The following SAMHD1 variants were observed in gnomAD, a reference collection of about 807,000 sequenced individuals.
SAMHD1 encodes the protein SAM and HD domain containing deoxynucleoside triphosphate triphosphohydrolase 1.
Under a neutral mutation model 79.6 loss-of-function variants are expected in SAMHD1, and 54 were observed. The observed-to-expected ratio is 0.68, with a 90% CI of 0.55 to 0.85. The LOEUF (loss-of-function observed/expected upper bound fraction) is 0.85. Among genes scored for constraint, SAMHD1 ranks in the 40% least tolerant of loss-of-function variants. The probability of loss-of-function intolerance (pLI) is 0.00; values close to 1 mark genes in which losing one functional copy is unlikely to be tolerated. For synonymous variants in SAMHD1, 260 were observed against 264.1 expected (o/e 0.98, Z 0.15); for missense variants, 663 against 782.7 (o/e 0.85, Z 1.82).
chr20:36,920,622 G>T (rs1030471333), intron 6 of SAMHD1, among the ~76,000 whole-genome samples: 1 of 152,032 alleles, frequency 6.6e-6, no homozygotes, highest in Non-Finnish European at 1.5e-5. Context: ...AATTAGCCAG[G>T]CATGGTAGGG....
intron 3 of SAMHD1, chr20:36,940,715 T>A: frequency 1.4e-5 from 5 of 346,872 alleles, no homozygotes; most frequent in African/African-American, 4.3e-5. Flanking sequence ...AAAAAAAGAA[T>A]GTACAAAGGA....
chr20:36,947,907 A>C (rs1452186692), intron 1 of SAMHD1, among the ~76,000 whole-genome samples: 1 of 151,718 alleles, frequency 6.6e-6, no homozygotes, highest in Non-Finnish European at 1.5e-5. Flanking sequence ...CTTGGGCTCA[A>C]GTGATCTTCC....
At chr20:36,923,300 A>G (rs964371320) in intron 6 of SAMHD1, among the ~76,000 whole-genome samples, 45 of 152,196 alleles carry the variant, frequency 3.0e-4, no homozygotes, top group African/African-American at 1.1e-3. Flanking sequence ...CGCCTGGCCA[A>G]GAGAGAGTAT....
intron 9 of SAMHD1, among the ~76,000 whole-genome samples, chr20:36,914,048 C>A (rs2063460915): frequency 6.6e-6 from 1 of 151,220 alleles, no homozygotes; most frequent in Admixed American, 6.6e-5. Context: ...ACCACCACGC[C>A]TAGCCCTTCT....
intron 3 of SAMHD1, among the ~76,000 whole-genome samples, chr20:36,937,854 TGG>T (rs2063614504): frequency 7.5e-6 from 1 of 132,552 alleles, no homozygotes. Flanking sequence ...TAAACAATGT[TGG>T]TTTGTTTTTT....
At chr20:36,913,872 T>C (rs2063459817) in intron 9 of SAMHD1, among the ~76,000 whole-genome samples, 1 of 150,404 alleles carries the variant, frequency 6.6e-6, no homozygotes. Context: ...TCGTACCTCA[T>C]CCTCCTGAGT....
intron 1 of SAMHD1, among the ~76,000 whole-genome samples, chr20:36,951,090 C>A (rs2063730061): frequency 6.6e-6 from 1 of 152,226 alleles, no homozygotes; most frequent in Non-Finnish European, 1.5e-5. Context: ...AGAGTGAGAT[C>A]CCAATCTACG....
intron 1 of SAMHD1, 194 bp from the exon 2 acceptor site, chr20:36,946,998 AT>A: frequency 2.2e-6 from 1 of 445,346 alleles, no homozygotes; most frequent in Non-Finnish European, 4.0e-6. Flanking sequence ...ACCAAGAAGC[AT>A]TTTTTGATAA....
At chr20:36,949,302 A>G (rs2063716315) in intron 1 of SAMHD1, among the ~76,000 whole-genome samples, 1 of 151,354 alleles carries the variant, frequency 6.6e-6, no homozygotes, top group Non-Finnish European at 1.5e-5. Context: ...TTTAAAAAAT[A>G]ATCAAACAGA....
At chr20:36,942,622 T>A (rs546824668) in intron 2 of SAMHD1, among the ~76,000 whole-genome samples, 28 of 150,862 alleles carry the variant, frequency 1.9e-4, no homozygotes, top group Admixed American at 9.4e-4. Flanking sequence ...TTGACATGTA[T>A]ATTTAACGTG....
intron 11 of SAMHD1, among the ~76,000 whole-genome samples, chr20:36,907,022 C>G (rs1383222574): frequency 1.3e-5 from 2 of 151,646 alleles, no homozygotes; most frequent in African/African-American, 4.9e-5. Flanking sequence ...GAACTCCTGG[C>G]CTCAAGTGAT....
At chr20:36,929,995 C>T (rs1025807622) in intron 5 of SAMHD1, among the ~76,000 whole-genome samples, 10 of 147,316 alleles carry the variant, frequency 6.8e-5, no homozygotes, top group South Asian at 2.1e-4. Flanking sequence ...GGAGGAGAGG[C>T]GGGAGGATAG....
chr20:36,946,776 A>G lies in SAMHD1; in HGVS notation c.237T>C (p.Pro79=), dbSNP rs7271776. The part of the protein sequence containing the change: ...RENEITGALL[P]CLDESRFENL... Reference sequence around the variant, plus strand: ...TTTCAAAACGAGACTCATCAAGACAAGGCAGTAATGCGCCTGTGATTTCAT... The same window carrying G: ...TTTCAAAACGAGACTCATCAAGACAGGGCAGTAATGCGCCTGTGATTTCAT... The change falls in exon 2 of 16, where the codon CCT becomes CCC. Residue 79 remains proline (P), a synonymous_variant. Transcript: ENST00000646673. The G allele has an allele frequency of 3.4e-4, 553 of 1,613,284 alleles. 2 individuals are homozygous for G. In the African/African-American group the frequency reaches 6.5e-3, roughly 19 times the overall value.
intron 14 of SAMHD1, 41 bp downstream of exon 14, chr20:36,898,398 CT>C: frequency 7.1e-7 from 1 of 1,398,948 alleles, no homozygotes; most frequent in South Asian, 1.2e-5. Context: ...TAAAGATTTG[CT>C]ACATGCCACT....
At chr20:36,909,814 A>G (rs1002463985) in intron 11 of SAMHD1, among the ~76,000 whole-genome samples, 5 of 152,004 alleles carry the variant, frequency 3.3e-5, no homozygotes, top group Non-Finnish European at 7.4e-5. Context: ...TTTTATAATG[A>G]AAATAATGTT....
rs1315448577 is a variant in SAMHD1 at position 36,904,238 on chromosome 20, T to A, written c.1422A>T (p.Glu474Asp). Residue 474 changes from glutamate (E) to aspartate (D), a missense_variant, in exon 13 of 16, where the codon GAA (glutamate) becomes GAT (aspartate). Coordinates refer to ENST00000646673, the MANE Select transcript of SAMHD1 (RefSeq NM_015474.4). ...CACTGGCAACCTCTTTTGGAAGAGA[T>A]TCATAGTCCTCCTGGAAAACACAAG... ...GQIKIKREDYESLPKEVASAK... is the reference protein window; with the variant it reads ...GQIKIKREDYDSLPKEVASAK... 6.2e-7 allele frequency: 1 copy of A among 1,611,582 alleles called. No individual in the cohort carries two copies. Among genetic ancestry groups the A allele is most frequent in the East Asian group, 2.2e-5 (1 of 44,852 alleles).
chr20:36,902,028 G>A lies in SAMHD1; in HGVS notation c.1503+2129C>T, dbSNP rs77646684. On this transcript the variant is annotated intron_variant, in intron 13 of 15. Coordinates refer to ENST00000646673, the MANE Select transcript of SAMHD1 (RefSeq NM_015474.4). ...GAAGGCTTGTTTCTTTGGTGAGAAA[G>A]GTCTAAGGAGTTGCTACCTAATGGC... Among the ~76,000 whole-genome samples the A allele has an allele frequency of 8.9e-3, 1,355 of 152,238 alleles. 16 individuals carry two copies. The highest frequency in any genetic ancestry group is 0.031 in the African/African-American group (1,294 of 41,532).
intron 5 of SAMHD1, 79 bp downstream of exon 5, chr20:36,930,681 G>A: frequency 4.3e-6 from 4 of 933,460 alleles, no homozygotes; most frequent in Non-Finnish European, 7.1e-6. Context: ...TCTCTTGGTT[G>A]ATCTGATTTT....
intron 1 of SAMHD1, among the ~76,000 whole-genome samples, chr20:36,948,704 T>A (rs1441823277): frequency 1.2e-4 from 18 of 145,314 alleles, no homozygotes; most frequent in Non-Finnish European, 6.0e-5. Context: ...CCATCTCTAC[T>A]AAAAATACAA....
Sources: gnomAD v4.1 joint callset for allele counts (sites outside exome capture counted in the v4.1 genomes callset) on GRCh38, gnomAD v4.1.1 for gene constraint, MANE v1.5 for transcripts, NCBI Gene and HGNC (gene_info 2026-07-23, HGNC 2026-07-21) for gene names.